The following MSI2 variants were observed in gnomAD, a reference collection of about 807,000 sequenced individuals.
MSI2 encodes musashi RNA binding protein 2.
A neutral mutation model predicts 45.6 loss-of-function variants in MSI2; 17 were observed. That is an observed-to-expected ratio of 0.37 (90% CI 0.26 to 0.56). MSI2 has a LOEUF of 0.56. Among genes scored for constraint, MSI2 ranks in the 20% least tolerant of loss-of-function variants. MSI2 has a pLI of 0.77. For synonymous variants in MSI2, 156 were observed against 158.2 expected, an observed-to-expected ratio of 0.99 and a Z score of 0.11; for missense variants, 293 against 444.2, an observed-to-expected ratio of 0.66 and a Z score of 3.06.
In MSI2 at chr17:57,652,263, A is replaced by G; in HGVS notation, c.790+102A>G. On this transcript the variant is annotated intron_variant, in intron 11 of 13. Coordinates refer to ENST00000284073, the MANE Select transcript of MSI2 (RefSeq NM_138962.4). The surrounding 1 kb of genome is among the most constrained non-coding windows in gnomAD (Gnocchi z 4.1). ...TGTGTGGCTGCATCTGTCCAACACC[A>G]CTCTCACCACAGCCCCGGGGAGGGG... The G allele has an allele frequency of 8.6e-7, 1 of 1,169,568 alleles. No homozygotes were observed. The highest frequency in any genetic ancestry group is 1.2e-6 in the Non-Finnish European group (1 of 800,310). The allele number at this position is 1,169,568 out of a possible 1,614,324, so 72.4% of individuals were successfully genotyped here. A position where few individuals can be genotyped will look rare whatever the true frequency, so the allele number is the denominator to read the frequency against.
At chr17:57,382,392 A>T (rs1043864610) in intron 5 of MSI2, among the ~76,000 whole-genome samples, 1 of 152,128 alleles carries the variant, frequency 6.6e-6, no homozygotes, top group Non-Finnish European at 1.5e-5. Flanking sequence ...CCTAGTGGAG[A>T]TGGTGACATT....
chr17:57,509,149 T>G (rs538614011), intron 6 of MSI2, among the ~76,000 whole-genome samples: 1 of 152,290 alleles, frequency 6.6e-6, no homozygotes, highest in East Asian at 1.9e-4. Flanking sequence ...GGAGACGAAT[T>G]GGAAGTGCTA....
chr17:57,473,698 G>A (rs1378153980), intron 6 of MSI2, among the ~76,000 whole-genome samples: 5 of 152,152 alleles, frequency 3.3e-5, no homozygotes, highest in African/African-American at 1.2e-4. Flanking sequence ...GGGGCTCTTC[G>A]AGAACAGAGG....
chr17:57,654,269 G>A (rs1038650085), intron 11 of MSI2, among the ~76,000 whole-genome samples: 6 of 152,226 alleles, frequency 3.9e-5, no homozygotes, highest in Non-Finnish European at 7.3e-5. Flanking sequence ...TAGTGAGAGC[G>A]CTGCCTAGGC....
In MSI2 at chr17:57,596,825, AC is replaced by A; in HGVS notation, c.455-39del. The A allele has an allele frequency of 6.9e-7, 1 of 1,452,380 alleles. No individual in the cohort carries two copies. 90.0% of individuals were successfully genotyped at this position (1,452,380 alleles called of 1,614,324 possible). On this transcript the variant is annotated intron_variant, in intron 7 of 13. Transcript: ENST00000284073. This position sits in a 1 kb window ranked among gnomAD's most constrained non-coding sequence, Gnocchi z 4.6. ...ACCTGGGCCTGCCAGAACTGAACTC[AC>A]CCCGCCTCTCTTTGTTTTTTCTTCT...
intron 8 of MSI2, among the ~76,000 whole-genome samples, chr17:57,613,208 AAC>A (rs1907339512): frequency 6.6e-6 from 1 of 152,170 alleles, no homozygotes; most frequent in Non-Finnish European, 1.5e-5. Flanking sequence ...AAAATTTAAA[AAC>A]AGAGTGATTC....
chr17:57,391,085 G>C (rs11652255), intron 5 of MSI2, among the ~76,000 whole-genome samples: 1 of 152,136 alleles, frequency 6.6e-6, no homozygotes, highest in Non-Finnish European at 1.5e-5. Context: ...AGCAATTTGG[G>C]AGCTCTGAGC....
chr17:57,276,571 T>C (rs372218812), intron 5 of MSI2, among the ~76,000 whole-genome samples: 1 of 152,212 alleles, frequency 6.6e-6, no homozygotes, highest in African/African-American at 2.4e-5. Context: ...GGACAATTAC[T>C]AAAGAAGTGC....
At chr17:57,392,207 T>G (rs950764061) in intron 5 of MSI2, among the ~76,000 whole-genome samples, 8 of 152,138 alleles carry the variant, frequency 5.3e-5, no homozygotes, top group Non-Finnish European at 1.2e-4. Flanking sequence ...CCAATAGGAG[T>G]CAGTGCTACT....
In MSI2 at chr17:57,668,162, G is replaced by A. The variant is rs375713247; in HGVS notation, c.791-6810G>A. ...TGCAGTGAGTCGAGATTACACCACT[G>A]CACTGTTGAGATTATATCTCAACAG... On this transcript the variant is annotated intron_variant, in intron 11 of 13. Transcript: ENST00000284073. 3.0e-4 allele frequency among the ~76,000 whole-genome samples: 45 copies of A among 152,250 alleles called. 1 individual carries two copies. The highest frequency in any genetic ancestry group is 1.0e-3 in the African/African-American group (43 of 41,542).
chr17:57,300,204 A>AT (rs1015357070), intron 5 of MSI2, among the ~76,000 whole-genome samples: 238 of 151,334 alleles, frequency 1.6e-3, no homozygotes, highest in African/African-American at 5.4e-3. Context: ...AAGCAGTGGG[A>AT]TTTTTTTTTA....
chr17:57,319,623 G>T (rs182909670), intron 5 of MSI2, among the ~76,000 whole-genome samples: 1 of 152,096 alleles, frequency 6.6e-6, no homozygotes, highest in Non-Finnish European at 1.5e-5. Context: ...TTGAGTAGGG[G>T]TTTGTTTTTG....
chr17:57,659,022 T>C (rs1376351883), intron 11 of MSI2, among the ~76,000 whole-genome samples: 10 of 152,044 alleles, frequency 6.6e-5, no homozygotes, highest in African/African-American at 2.2e-4. Context: ...GTATCATTCA[T>C]GGTTGCTTGT....
chr17:57,360,384 A>C (rs1916736161), intron 5 of MSI2, among the ~76,000 whole-genome samples: 1 of 152,236 alleles, frequency 6.6e-6, no homozygotes, highest in Admixed American at 6.5e-5. Context: ...TCTGATCTCT[A>C]GGAGAGGCTA....
At chr17:57,621,219 T>C (rs1908263269) in intron 9 of MSI2, among the ~76,000 whole-genome samples, 1 of 152,224 alleles carries the variant, frequency 6.6e-6, no homozygotes, top group Non-Finnish European at 1.5e-5. Context: ...GCACTATGCC[T>C]GCATATTAGT....
chr17:57,498,677 C>A (rs1274098876), intron 6 of MSI2, among the ~76,000 whole-genome samples: 1 of 152,162 alleles, frequency 6.6e-6, no homozygotes, highest in Non-Finnish European at 1.5e-5. Flanking sequence ...TTTTGAGGAT[C>A]GTTGGGTAGA....
chr17:57,576,843 G>A (rs969528888), intron 7 of MSI2, among the ~76,000 whole-genome samples: 1 of 151,684 alleles, frequency 6.6e-6, no homozygotes, highest in Non-Finnish European at 1.5e-5. Flanking sequence ...TTTTGACATG[G>A]TTTATAGGAA....
chr17:57,691,156 C>T, the MSI2 span, among the ~76,000 whole-genome samples: 1 of 150,888 alleles, frequency 6.6e-6, no homozygotes, highest in Non-Finnish European at 1.5e-5. Context: ...CTGTTCTGTA[C>T]CACTAATCAA....
chr17:57,472,741 C>T (rs551114479), intron 6 of MSI2, among the ~76,000 whole-genome samples: 174 of 152,268 alleles, frequency 1.1e-3, no homozygotes, highest in Non-Finnish European at 2.2e-3. Flanking sequence ...CCTGGTACGT[C>T]GTAAACACTA....
Sources: gnomAD v4.1 joint callset for allele counts (sites outside exome capture counted in the v4.1 genomes callset) on GRCh38, gnomAD v4.1.1 for gene constraint, Gnocchi (gnomAD v3.1) non-coding constraint, MANE v1.5 for transcripts, NCBI Gene and HGNC (gene_info 2026-07-23, HGNC 2026-07-21) for gene names.